The following BRD10 variants were observed in gnomAD, a reference collection of about 807,000 sequenced individuals.
The protein encoded by BRD10 is uncharacterized bromodomain-containing protein 10.
chr9:5,978,035 A>G, the BRD10 span, among the ~76,000 whole-genome samples: 2 of 152,222 alleles, frequency 1.3e-5, no homozygotes, highest in Non-Finnish European at 1.5e-5. Flanking sequence ...GCCTAAGGAT[A>G]TTTGCAAAAA....
chr9:6,006,347 C>CA, the BRD10 span, among the ~76,000 whole-genome samples: 3 of 151,850 alleles, frequency 2.0e-5, no homozygotes, highest in African/African-American at 7.3e-5. Flanking sequence ...AGTAAACAGT[C>CA]AAACTACTAT....
chr9:5,929,896 G>A, the BRD10 span, among the ~76,000 whole-genome samples: 1 of 152,146 alleles, frequency 6.6e-6, no homozygotes, highest in Middle Eastern at 3.4e-3. Context: ...ACTTAAACCC[G>A]TATCTGCCTG....
the BRD10 span, among the ~76,000 whole-genome samples, chr9:5,958,271 G>A: frequency 2.0e-5 from 3 of 152,118 alleles, no homozygotes; most frequent in Admixed American, 6.5e-5. Flanking sequence ...ATTTTATACT[G>A]TAACTGAGGA....
At chr9:5,916,110 G>T in the BRD10 span, among the ~76,000 whole-genome samples, 1 of 152,178 alleles carries the variant, frequency 6.6e-6, no homozygotes, top group Non-Finnish European at 1.5e-5. Context: ...AAATGTGTAA[G>T]AATAACTGGG....
chr9:5,937,075 C>CA, the BRD10 span, among the ~76,000 whole-genome samples: 3 of 151,450 alleles, frequency 2.0e-5, no homozygotes, highest in African/African-American at 7.3e-5. Flanking sequence ...ATTAAAAATA[C>CA]AAAAATATGC....
the BRD10 span, among the ~76,000 whole-genome samples, chr9:5,880,999 G>A: frequency 2.6e-5 from 4 of 152,172 alleles, no homozygotes; most frequent in African/African-American, 7.2e-5. Context: ...CACCACGCTC[G>A]GCCCATTACT....
chr9:5,971,775 C>A, the BRD10 span, among the ~76,000 whole-genome samples: 1 of 151,988 alleles, frequency 6.6e-6, no homozygotes, highest in African/African-American at 2.4e-5. Flanking sequence ...TAGAATTTGG[C>A]TTCCTCTGTA....
chr9:5,982,368 T>C, the BRD10 span, among the ~76,000 whole-genome samples: 1 of 152,138 alleles, frequency 6.6e-6, no homozygotes. Flanking sequence ...GACAGCTGGT[T>C]TGAATAGTTG....
At chr9:5,958,569 T>C in the BRD10 span, among the ~76,000 whole-genome samples, 25 of 152,260 alleles carry the variant, frequency 1.6e-4, no homozygotes, top group African/African-American at 5.5e-4. Context: ...AGAGGATGGC[T>C]TGCGCCCCGG....
the BRD10 span, among the ~76,000 whole-genome samples, chr9:5,996,956 A>G: frequency 6.6e-6 from 1 of 152,230 alleles, no homozygotes; most frequent in Non-Finnish European, 1.5e-5. Flanking sequence ...ATGAGTCTGC[A>G]AAGTACGCAG....
the BRD10 span, among the ~76,000 whole-genome samples, chr9:5,960,294 C>T: frequency 2.0e-5 from 3 of 152,050 alleles, no homozygotes; most frequent in Non-Finnish European, 4.4e-5. Context: ...GGGCGTGCTG[C>T]CTCACGCCTG....
chr9:5,934,620 C>T, the BRD10 span, among the ~76,000 whole-genome samples: 1 of 152,084 alleles, frequency 6.6e-6, no homozygotes, highest in East Asian at 1.9e-4. Context: ...CCTGCCTTGG[C>T]CTCCTGAAGT....
chr9:5,926,591 G>C, the BRD10 span, among the ~76,000 whole-genome samples: 3 of 151,970 alleles, frequency 2.0e-5, no homozygotes, highest in African/African-American at 7.3e-5. Context: ...GAGTGCAGTG[G>C]CGCGATCACA....
At chr9:5,885,352 T>G in the BRD10 span, among the ~76,000 whole-genome samples, 19 of 151,532 alleles carry the variant, frequency 1.3e-4, no homozygotes, top group Middle Eastern at 3.4e-3. Flanking sequence ...TGCCAGGCAC[T>G]GTGCTAGATG....
At chr9:5,896,660 T>C in the BRD10 span, among the ~76,000 whole-genome samples, 1 of 152,230 alleles carries the variant, frequency 6.6e-6, no homozygotes, top group Admixed American at 6.5e-5. Context: ...ATTTTGATCA[T>C]GCTGTGATCA....
the BRD10 span, among the ~76,000 whole-genome samples, chr9:5,915,000 CA>C: frequency 7.2e-5 from 11 of 151,972 alleles, no homozygotes; most frequent in Non-Finnish European, 1.3e-4. Context: ...AACAAAAGAA[CA>C]AAACAACAAT....
chr9:5,897,480 G>A, the BRD10 span: 4 of 1,350,878 alleles, frequency 3.0e-6, no homozygotes, highest in Non-Finnish European at 4.3e-6. Context: ...ATATGAAGAG[G>A]AAGACTGATT....
chr9:5,973,176 G>A, the BRD10 span, among the ~76,000 whole-genome samples: 35 of 152,288 alleles, frequency 2.3e-4, no homozygotes, highest in Non-Finnish European at 4.7e-4. Flanking sequence ...TCAAATACAT[G>A]ACAACAACAG....
chr9:5,976,465 A>T, the BRD10 span, among the ~76,000 whole-genome samples: 1 of 152,206 alleles, frequency 6.6e-6, no homozygotes, highest in Non-Finnish European at 1.5e-5. Context: ...ACCGTCAGAA[A>T]CTGGGTTTGT....
Sources: gnomAD v4.1 joint callset for allele counts (sites outside exome capture counted in the v4.1 genomes callset) on GRCh38, gnomAD v4.1.1 for gene constraint, MANE v1.5 for transcripts, NCBI Gene and HGNC (gene_info 2026-07-23, HGNC 2026-07-21) for gene names.